The following CCDC30 variants were observed in gnomAD, a reference collection of about 807,000 sequenced individuals.
CCDC30 encodes the protein coiled-coil domain-containing protein 30.
CCDC30 carries 70 observed loss-of-function variants against 100.2 expected under a neutral mutation model. The ratio of observed to expected loss-of-function variants is 0.70; its 90% CI spans 0.58 to 0.85. The LOEUF (loss-of-function observed/expected upper bound fraction) is 0.85, where lower values mean the gene tolerates loss of function less well. Ranked by LOEUF, CCDC30 falls within the 40% of genes least tolerant of loss-of-function variation. The pLI is 0.00. For synonymous variants in CCDC30, 233 were observed against 269.5 expected (o/e 0.86, Z 1.33); for missense variants, 652 against 771.2 (o/e 0.85, Z 1.83).
chr1:42,496,833 C>A (rs754513478), intron 4 of CCDC30, among the ~76,000 whole-genome samples: 1 of 152,116 alleles, frequency 6.6e-6, no homozygotes, highest in Non-Finnish European at 1.5e-5. Flanking sequence ...TTGCTGCAAA[C>A]CCTACACTCA....
chr1:42,541,920 T>C (rs1455973941), intron 6 of CCDC30, among the ~76,000 whole-genome samples: 1 of 152,228 alleles, frequency 6.6e-6, no homozygotes, highest in Non-Finnish European at 1.5e-5. Context: ...AGTATGATCA[T>C]GTAGACCAAC....
chr1:42,500,394 C>T lies in CCDC30; in HGVS notation c.456+1478C>T, dbSNP rs1644292295. The T allele has an allele frequency of 1.2e-5, 14 of 1,125,508 alleles. No individual in the cohort carries two copies. In the East Asian group the frequency reaches 1.7e-4, roughly 13 times the overall value. The allele number at this position is 1,125,508 out of a possible 1,614,324, so 69.7% of individuals were successfully genotyped here. A position where few individuals can be genotyped will look rare whatever the true frequency, so the allele number is the denominator to read the frequency against. On this transcript the variant is annotated intron_variant, in intron 6 of 16. Coordinates refer to ENST00000668663, the Ensembl canonical transcript of CCDC30. ...GTGAGAACGAGCGAAGTCTGGTCTG[C>T]GCAGTGGCCACCACCGAGTTCTCTC...
intron 6 of CCDC30, among the ~76,000 whole-genome samples, chr1:42,563,415 A>G (rs1326991509): frequency 6.6e-6 from 1 of 151,836 alleles, no homozygotes; most frequent in Non-Finnish European, 1.5e-5. Context: ...TTGAGAATAC[A>G]TCGACACAGA....
At chr1:42,536,554 G>T in intron 6 of CCDC30, 2 of 1,613,576 alleles carry the variant, frequency 1.2e-6, no homozygotes, top group Non-Finnish European at 1.7e-6. Flanking sequence ...GAAGCAGTTG[G>T]CATCTGGTCT....
chr1:42,467,463 T>G (rs1643625339), intron 1 of CCDC30, among the ~76,000 whole-genome samples: 1 of 152,148 alleles, frequency 6.6e-6, no homozygotes, highest in Non-Finnish European at 1.5e-5. Context: ...CAGAGTAGAA[T>G]GAATAGGAAG....
intron 13 of CCDC30, 123 bp downstream of exon 17, chr1:42,642,732 G>A: frequency 3.1e-6 from 3 of 960,504 alleles, no homozygotes; most frequent in Non-Finnish European, 4.3e-6. Context: ...TCGCTCCGCT[G>A]TCTGCTGTTT....
chr1:42,473,035 A>T, intron 1 of CCDC30: 1 of 1,178,566 alleles, frequency 8.5e-7, no homozygotes. Context: ...TAATAAGGAG[A>T]CTAAGGTGGC....
At chr1:42,599,235 A>G (rs1017521689) in intron 10 of CCDC30, among the ~76,000 whole-genome samples, 2 of 152,206 alleles carry the variant, frequency 1.3e-5, no homozygotes, top group Non-Finnish European at 2.9e-5. Flanking sequence ...GCTTATGTGT[A>G]AGTGAAATTA....
At chr1:42,644,770 A>G in exon 14 of CCDC30, 1 of 1,613,342 alleles carries the variant, frequency 6.2e-7, no homozygotes, top group Non-Finnish European at 8.5e-7. Flanking sequence ...GGCTTCTTAG[A>G]GCGAATTATA....
chr1:42,642,245 A>AT (rs201105228), intron 12 of CCDC30, among the ~76,000 whole-genome samples: 2,421 of 150,206 alleles, frequency 0.016, 64 homozygotes, highest in African/African-American at 0.057. Flanking sequence ...ACAAACAAAA[A>AT]AATATATATA....
Position 42,545,408 on chromosome 1 carries a change from A to G in CCDC30, c.457-20888A>G. 1 of 1,550,710 alleles carries G rather than the reference A, an allele frequency of 6.4e-7. No individual in the cohort carries two copies. Among genetic ancestry groups the G allele is most frequent in the South Asian group, 1.2e-5 (1 of 80,278 alleles). On this transcript the variant is annotated intron_variant, in intron 6 of 16. Coordinates refer to ENST00000668663, the Ensembl canonical transcript of CCDC30. ...ATATTTGTCTTTCACTTAATTTTGC[A>G]GGTCTTGAAGCTTTCACAAGAATTT...
At chr1:42,526,235 T>C (rs1446498893) in intron 6 of CCDC30, among the ~76,000 whole-genome samples, 1 of 152,174 alleles carries the variant, frequency 6.6e-6, no homozygotes, top group African/African-American at 2.4e-5. Context: ...AGTCCCCCAA[T>C]GTCTCTTGTC....
chr1:42,639,644 G>A (rs534863172), intron 12 of CCDC30, among the ~76,000 whole-genome samples: 88 of 152,240 alleles, frequency 5.8e-4, no homozygotes, highest in Non-Finnish European at 1.0e-3. Context: ...CTGTAAGCTT[G>A]GACAAGTCTC....
chr1:42,553,322 G>T (rs1349493625), intron 6 of CCDC30, among the ~76,000 whole-genome samples: 1 of 151,926 alleles, frequency 6.6e-6, no homozygotes, highest in African/African-American at 2.4e-5. Context: ...GTCGTTCCTT[G>T]GGTCTTGAGT....
chr1:42,515,715 C>G lies in CCDC30; in HGVS notation c.456+16799C>G, dbSNP rs78442749. ...AATAGTCCAAAGGGACTAAGATACT[C>G]CCTGCATCCAGCCTCTGGAAACCAC... On this transcript the variant is annotated intron_variant, in intron 6 of 16. Coordinates refer to ENST00000668663, the Ensembl canonical transcript of CCDC30. 6.4e-3 allele frequency among the ~76,000 whole-genome samples: 973 copies of G among 152,262 alleles called. 11 individuals are homozygous for G. Among genetic ancestry groups the G allele is most frequent in the African/African-American group, 0.023 (940 of 41,552 alleles).
At chr1:42,577,686 G>C (rs1238232717) in intron 8 of CCDC30, among the ~76,000 whole-genome samples, 2 of 151,864 alleles carry the variant, frequency 1.3e-5, no homozygotes. Context: ...TGTCACCCAG[G>C]CTGGAGGGCA....
chr1:42,654,757 G>A (rs1422555010), downstream of CCDC30: 2 of 144,666 alleles, frequency 1.4e-5, no homozygotes, highest in African/African-American at 2.6e-5. Context: ...CTGTCACCCA[G>A]GCTGAAGTGC....
chr1:42,605,322 T>C (rs1419972617), intron 10 of CCDC30, among the ~76,000 whole-genome samples: 3 of 152,326 alleles, frequency 2.0e-5, no homozygotes, highest in Middle Eastern at 3.4e-3. Context: ...TGGATTCCCA[T>C]GGTTATGAAG....
At chr1:42,621,253 G>A (rs943328956) in intron 11 of CCDC30, among the ~76,000 whole-genome samples, 2 of 152,126 alleles carry the variant, frequency 1.3e-5, no homozygotes, top group Admixed American at 1.3e-4. Context: ...GGAGAATGGG[G>A]TACTCATCCC....
Sources: gnomAD v4.1 joint callset for allele counts (sites outside exome capture counted in the v4.1 genomes callset) on GRCh38, gnomAD v4.1.1 for gene constraint, MANE v1.5 for transcripts, NCBI Gene and HGNC (gene_info 2026-07-23, HGNC 2026-07-21) for gene names.